The following ITPR3 variants were observed in gnomAD, a reference collection of about 807,000 sequenced individuals.
ITPR3 encodes the protein inositol 1,4,5-trisphosphate-gated calcium channel ITPR3.
Under a neutral mutation model 293.2 loss-of-function variants are expected in ITPR3, and 173 were observed. The observed-to-expected ratio is 0.59, with a 90% CI of 0.52 to 0.67. The LOEUF (loss-of-function observed/expected upper bound fraction) is 0.67, where lower values mean the gene tolerates loss of function less well. Among genes scored for constraint, ITPR3 ranks in the 30% least tolerant of loss-of-function variants. ITPR3 has a pLI of 0.00. For synonymous variants in ITPR3, 1,295 were observed against 1,444.4 expected (o/e 0.90, Z 2.35); for missense variants, 2,796 against 3,592.1 (o/e 0.78, Z 5.66).
In ITPR3 at chr6:33,679,564, GCA is replaced by G. The variant is rs1765011321; in HGVS notation, c.3973-315_3973-314del. Among the ~76,000 whole-genome samples the G allele has an allele frequency of 1.3e-5, 2 of 152,204 alleles. No individual in the cohort carries two copies. The highest frequency in any genetic ancestry group is 1.3e-4 in the Admixed American group (2 of 15,282). On this transcript the variant is annotated intron_variant, in intron 30 of 57. Coordinates refer to ENST00000605930, the MANE Select transcript of ITPR3 (RefSeq NM_002224.4). The surrounding 1 kb of genome is among the most constrained non-coding windows in gnomAD (Gnocchi z 4.2). ...GAGGGTTTAAGTAACTGCTGCGGGA[GCA>G]CAGGGGAGGGAGGGGGTGAGCAAGG...
Position 33,686,184 on chromosome 6 carries a change from C to T in ITPR3, c.5799C>T (p.Asn1933=), listed in dbSNP as rs149221361. The T allele has an allele frequency of 1.6e-4, 253 of 1,614,104 alleles. No individual in the cohort carries two copies. The highest frequency in any genetic ancestry group is 6.8e-4 in the South Asian group (62 of 91,072). ...GLLGLYINED[N]VGLVIQTLET... is the part of the protein sequence containing the mutation. ...TGGGGCTCTACATCAATGAGGACAACGTGGGCCTCGTCATCCAGACCTTGG... is the reference window on the plus strand; with the variant it reads ...TGGGGCTCTACATCAATGAGGACAATGTGGGCCTCGTCATCCAGACCTTGG... The change falls in exon 42 of 58, where the codon AAC becomes AAT. Residue 1933 remains asparagine, a synonymous_variant. Coordinates refer to ENST00000605930, the MANE Select transcript of ITPR3 (RefSeq NM_002224.4).
At chr6:33,690,004 C>G (rs1765346625) in intron 50 of ITPR3, 30 bp from the exon 51 acceptor site, 1 of 1,613,424 alleles carries the variant, frequency 6.2e-7, no homozygotes, top group East Asian at 2.2e-5. Flanking sequence ...TGGTAGGGTG[C>G]TGACTCTCAT....
chr6:33,647,254 G>T (rs1011687971), intron 2 of ITPR3, among the ~76,000 whole-genome samples: 4 of 152,062 alleles, frequency 2.6e-5, no homozygotes, highest in Admixed American at 2.6e-4. Context: ...GCGAACTCTT[G>T]GACTCAAGCA....
chr6:33,670,523 G>T lies in ITPR3; in HGVS notation c.2388G>T (p.Pro796=). The change falls in exon 19 of 58, where the codon CCG becomes CCT. Residue 796 remains proline (P), a synonymous_variant. Transcript: ENST00000605930. This position sits in a 1 kb window ranked among gnomAD's most constrained non-coding sequence, Gnocchi z 6.7. ...VDRDPQELVT[P]VKFARLWTEI... ...GTGACCCCCAGGAGCTGGTCACGCC[G>T]GTCAAGTTTGCCCGTCTCTGGACTG... is the stretch of plus-strand genomic sequence containing the variant. The T allele has an allele frequency of 1.2e-6, 2 of 1,613,708 alleles. No individual in the cohort carries two copies. The highest frequency in any genetic ancestry group is 8.5e-7 in the Non-Finnish European group (1 of 1,179,956).
chr6:33,670,636 CG>C lies in ITPR3; in HGVS notation c.2442-31del. The C allele has an allele frequency of 6.2e-7, 1 of 1,613,406 alleles. No homozygotes were observed. Among genetic ancestry groups the C allele is most frequent in the Middle Eastern group, 1.7e-4 (1 of 6,054 alleles). ...GGCAGAGGCTGGAGTGGGTGTATCT[CG>C]GGGACCTTCATGCCTCATGGCCTCC... is the stretch of plus-strand genomic sequence containing the variant. On this transcript the variant is annotated intron_variant, in intron 19 of 57. Coordinates refer to ENST00000605930, the MANE Select transcript of ITPR3 (RefSeq NM_002224.4). This position sits in a 1 kb window ranked among gnomAD's most constrained non-coding sequence, Gnocchi z 6.7.
rs1407349286 is a variant in ITPR3, at chr6:33,687,086, C to T, written c.6057C>T (p.Ser2019=). ...AAAATGCTGAGCGAATCCTCATCAGCCTGCGGCCCCAGGAGCTGGTGAGGC... is the reference window on the plus strand; with the variant it reads ...AAAATGCTGAGCGAATCCTCATCAGTCTGCGGCCCCAGGAGCTGGTGAGGC... ...DSENAERILI[S]LRPQELVDVI... The change falls in exon 44 of 58, where the codon AGC becomes AGT. Residue 2019 remains serine (S), a synonymous_variant. Coordinates refer to ENST00000605930, the MANE Select transcript of ITPR3 (RefSeq NM_002224.4). The surrounding 1 kb of genome is among the most constrained non-coding windows in gnomAD (Gnocchi z 5.3). 1 of 1,613,896 alleles carries T rather than the reference C, an allele frequency of 6.2e-7. No homozygotes were observed. Among genetic ancestry groups the T allele is most frequent in the Non-Finnish European group, 8.5e-7 (1 of 1,179,990 alleles).
At position 33,621,532 on chromosome 6, in the gene ITPR3, G is replaced by A. The variant is rs1763436021; in HGVS notation, c.-71G>A. On this transcript the variant is annotated 5_prime_UTR_variant, in exon 1 of 58. Coordinates refer to ENST00000605930, the MANE Select transcript of ITPR3 (RefSeq NM_002224.4). The surrounding 1 kb of genome is among the most constrained non-coding windows in gnomAD (Gnocchi z 7.7). ...CCCTCCCCGCTCCCCGGACGCCTCAGTCCTCCGCACTGAGCTTGGCCACGC... is the reference window on the plus strand; with the variant it reads ...CCCTCCCCGCTCCCCGGACGCCTCAATCCTCCGCACTGAGCTTGGCCACGC... 6.9e-6 allele frequency: 8 copies of A among 1,153,984 alleles called. No homozygotes were observed. The highest frequency in any genetic ancestry group is 1.9e-4 in the Middle Eastern group (1 of 5,202). 71.5% of individuals were successfully genotyped at this position (1,153,984 alleles called of 1,614,324 possible). A position where few individuals can be genotyped will look rare whatever the true frequency, so the allele number is the denominator to read the frequency against.
chr6:33,675,248 C>G lies in ITPR3; in HGVS notation c.3117-443C>G, dbSNP rs1036599227. On this transcript the variant is annotated intron_variant, in intron 24 of 57. Coordinates refer to ENST00000605930, the MANE Select transcript of ITPR3 (RefSeq NM_002224.4). This position sits in a 1 kb window ranked among gnomAD's most constrained non-coding sequence, Gnocchi z 5.0. Reference sequence around the variant, plus strand: ...ACCAGCCTGGCCAACATGGTGAAACCCTGTCTCTACTAAAAATACAAAAAT... The same window carrying G: ...ACCAGCCTGGCCAACATGGTGAAACGCTGTCTCTACTAAAAATACAAAAAT... Among the ~76,000 whole-genome samples the G allele has an allele frequency of 7.9e-5, 12 of 152,038 alleles. No individual in the cohort carries two copies. Among genetic ancestry groups the G allele is most frequent in the Non-Finnish European group, 1.6e-4 (11 of 68,008 alleles).
At position 33,662,891 on chromosome 6, in the gene ITPR3, TCA is replaced by T; in HGVS notation, c.859-16_859-15del. ...GCCTGTCCAGTCTCTCCTTCCTGCC[TCA>T]CACCTGTGTGCCCCTAGGTGGTCCA... On this transcript the variant is annotated intron_variant, in intron 8 of 57. Transcript: ENST00000605930. The T allele has an allele frequency of 6.4e-7, 1 of 1,572,146 alleles. No homozygotes were observed.
At chr6:33,694,830 G>A (rs1485847549) in intron 56 of ITPR3, 94 bp from the exon 57 acceptor site, 39 of 1,492,516 alleles carry the variant, frequency 2.6e-5, no homozygotes, top group Non-Finnish European at 3.4e-5. Flanking sequence ...TGTTAAGGGT[G>A]TGGCAGAAGC....
At chr6:33,676,510 G>A (rs1764910158) in intron 25 of ITPR3, among the ~76,000 whole-genome samples, 1 of 152,262 alleles carries the variant, frequency 6.6e-6, no homozygotes, top group Admixed American at 6.5e-5. Context: ...TGTGACACTA[G>A]TCAGTGAGTA....
At chr6:33,643,707 C>A (rs992211388) in intron 2 of ITPR3, among the ~76,000 whole-genome samples, 7 of 152,200 alleles carry the variant, frequency 4.6e-5, no homozygotes, top group Admixed American at 2.0e-4. Flanking sequence ...AGAGCCTGCA[C>A]CCCCAGCCCC....
Position 33,654,710 on chromosome 6 carries a change from G to C in ITPR3, c.161-1056G>C, listed in dbSNP as rs1258389662. Among the ~76,000 whole-genome samples the C allele has an allele frequency of 6.6e-6, 1 of 152,184 alleles. No individual in the cohort carries two copies. The highest frequency in any genetic ancestry group is 1.5e-5 in the Non-Finnish European group (1 of 68,036). On this transcript the variant is annotated intron_variant, in intron 2 of 57. Coordinates refer to ENST00000605930, the MANE Select transcript of ITPR3 (RefSeq NM_002224.4). This position sits in a 1 kb window ranked among gnomAD's most constrained non-coding sequence, Gnocchi z 4.1. The stretch of plus-strand genomic sequence containing the variant: ...ATCTCCTTTCTGTTCCACACTGCCA[G>C]AGCATTGTACAATCAGGGACTCACA...
At chr6:33,662,774 CCTCT>C (rs1582131444) in intron 8 of ITPR3, 100 bp downstream of exon 8, 2 of 1,507,344 alleles carry the variant, frequency 1.3e-6, no homozygotes, top group African/African-American at 2.8e-5. Flanking sequence ...CCCCTACCTC[CCTCT>C]GAGTCCCTCC....
intron 1 of ITPR3, among the ~76,000 whole-genome samples, chr6:33,623,103 C>G (rs915266170): frequency 6.6e-6 from 1 of 152,104 alleles, no homozygotes; most frequent in African/African-American, 2.4e-5. Flanking sequence ...CCTGGCTGCC[C>G]TGAGGCCAGG....
chr6:33,681,055 A>G (rs1387276543), intron 33 of ITPR3, among the ~76,000 whole-genome samples: 2 of 152,116 alleles, frequency 1.3e-5, no homozygotes, highest in Non-Finnish European at 2.9e-5. Flanking sequence ...TCCTGACCTC[A>G]TGATCCGCCC....
At chr6:33,630,348 C>T (rs1465171042) in intron 1 of ITPR3, among the ~76,000 whole-genome samples, 1 of 152,166 alleles carries the variant, frequency 6.6e-6, no homozygotes, top group African/African-American at 2.4e-5. Context: ...GAGGGTCTGC[C>T]CTGCTGAGGG....
At chr6:33,648,904 AT>A (rs879650876) in intron 2 of ITPR3, among the ~76,000 whole-genome samples, 35 of 139,864 alleles carry the variant, frequency 2.5e-4, no homozygotes, top group Admixed American at 3.6e-4. Context: ...TGCCATGTGT[AT>A]TTTTTTTTTT....
Position 33,692,723 on chromosome 6 carries a change from T to C in ITPR3, c.7459-5T>C. On this transcript the variant is annotated splice_region_variant and splice_polypyrimidine_tract_variant and intron_variant, in intron 54 of 57. Coordinates refer to ENST00000605930, the MANE Select transcript of ITPR3 (RefSeq NM_002224.4). This position sits in a 1 kb window ranked among gnomAD's most constrained non-coding sequence, Gnocchi z 4.2. ...GGCCCAGCCTCCCTGCCTCATCCCC[T>C]GCAGGAGTCTCTCTTCCCAGCCCGA... 1 of 1,613,892 alleles carries C rather than the reference T, an allele frequency of 6.2e-7. No individual in the cohort carries two copies. The highest frequency in any genetic ancestry group is 8.5e-7 in the Non-Finnish European group (1 of 1,179,860).
Sources: allele counts gnomAD v4.1 joint callset (sites outside exome capture counted in the v4.1 genomes callset), GRCh38; gene constraint gnomAD v4.1.1; non-coding constraint Gnocchi (gnomAD v3.1); transcripts MANE v1.5; gene names NCBI Gene and HGNC (gene_info 2026-07-23, HGNC 2026-07-21).